Variants in PON1 observed in about 807,000 individuals in gnomAD.
PON1 encodes serum paraoxonase/arylesterase 1.
A neutral mutation model predicts 39.2 loss-of-function variants in PON1; 37 were observed. That is an observed-to-expected ratio of 0.94 (90% CI 0.73 to 1.24). The LOEUF (loss-of-function observed/expected upper bound fraction) is 1.24. Ranked by LOEUF, PON1 falls within the 50% of genes most tolerant of loss-of-function variation. The pLI, the probability that PON1 is intolerant of heterozygous loss-of-function variation, is 0.00. For missense variants in PON1, 397 were observed against 413.5 expected (o/e 0.96, Z 0.35); for synonymous variants, 148 against 152.2 (o/e 0.97, Z 0.21).
chr7:95,311,556 A>AC lies in PON1; in HGVS notation c.391dup (p.Val131GlyfsTer15), dbSNP rs1201479569. The AC allele has an allele frequency of 2.0e-5, 33 of 1,613,916 alleles. No homozygotes were observed. The highest frequency in any genetic ancestry group is 2.7e-5 in the African/African-American group (2 of 74,932). On this transcript the variant is annotated frameshift_variant, in exon 5 of 9. Transcript: ENST00000222381. LOFTEE classifies it high-confidence loss of function. The stretch of plus-strand genomic sequence containing the variant: ...GGACTTGGCATCTGGATGGTTCACC[A>AC]CCAGGAGGTACATGGCATTATCTGA...
intron 4 of PON1, among the ~76,000 whole-genome samples, chr7:95,312,137 T>G (rs1807668594): frequency 6.6e-6 from 1 of 152,240 alleles, no homozygotes; most frequent in Admixed American, 6.5e-5. Context: ...GGTCTTTGCC[T>G]TAAGAAAGAG....
chr7:95,319,367 A>T (rs573015284), intron 1 of PON1, among the ~76,000 whole-genome samples: 13 of 152,234 alleles, frequency 8.5e-5, no homozygotes, highest in African/African-American at 2.9e-4. Context: ...TTGATCTTTC[A>T]TTTATTCATT....
At chr7:95,318,226 T>G (rs1807814355) in intron 2 of PON1, 97 bp downstream of exon 2, 1 of 1,057,168 alleles carries the variant, frequency 9.5e-7, no homozygotes, top group Non-Finnish European at 1.5e-6. Context: ...ATTCAAAATT[T>G]TATTTTTGGA....
rs1807653848 is a variant in PON1, at chr7:95,311,512, A to G, written c.436T>C (p.Phe146Leu). 6.2e-7 allele frequency: 1 copy of G among 1,614,018 alleles called. No individual in the cohort carries two copies. ...DAKSTVELFK[F>L]QEEEKSLLHL... ...AAAAGCGATTTTTCTTCTTCTTGAAATTTAAACAACTCCACTGTGGACTTG... is the reference window on the plus strand; with the variant it reads ...AAAAGCGATTTTTCTTCTTCTTGAAGTTTAAACAACTCCACTGTGGACTTG... Residue 146 changes from phenylalanine to leucine, a missense_variant, in exon 5 of 9, where the codon TTT becomes CTT. Transcript: ENST00000222381.
chr7:95,319,131 C>CTTGTT (rs1554607761), intron 1 of PON1, among the ~76,000 whole-genome samples: 3 of 138,358 alleles, frequency 2.2e-5, no homozygotes, highest in African/African-American at 8.0e-5. Context: ...AAACAATAAA[C>CTTGTT]TTTTTTTTTT....
At chr7:95,302,532 A>G in intron 7 of PON1, 199 bp from the exon 8 acceptor site, 2 of 568,764 alleles carry the variant, frequency 3.5e-6, no homozygotes, top group East Asian at 6.2e-5. Context: ...GTCAGTTTCC[A>G]GGGCAGAATT....
rs1807803703 is a variant in PON1, at chr7:95,317,760, G to T, written c.145+563C>A. Among the ~76,000 whole-genome samples, 3 of 151,950 alleles carry T rather than the reference G, an allele frequency of 2.0e-5. No individual in the cohort carries two copies. In the South Asian group the frequency reaches 6.3e-4, roughly 32 times the overall value. On this transcript the variant is annotated intron_variant, in intron 2 of 8. Coordinates refer to ENST00000222381, the MANE Select transcript of PON1 (RefSeq NM_000446.7). Reference sequence around the variant, plus strand: ...CCTACCGTTTTATCTTTGCTGACAGGGCCTGCCTCCCACATTGGAGGCTTG... The same window carrying T: ...CCTACCGTTTTATCTTTGCTGACAGTGCCTGCCTCCCACATTGGAGGCTTG...
In PON1 at chr7:95,317,589, AAAAAG is replaced by A. The variant is rs1457681413; in HGVS notation, c.145+729_145+733del. On this transcript the variant is annotated intron_variant, in intron 2 of 8. Transcript: ENST00000222381. ...CTAAAAGAACAAAAAAAAAAAAAAA[AAAAAG>A]AAAGAAAAAGAAACACCCAAAGCAC... is the stretch of plus-strand genomic sequence containing the variant. Among the ~76,000 whole-genome samples the A allele has an allele frequency of 4.1e-3, 316 of 76,694 alleles. 1 individual carries two copies. The highest frequency in any genetic ancestry group is 0.011 in the African/African-American group (293 of 26,630). The allele number at this position is 76,694 out of a possible 152,430, so 50.3% of individuals were successfully genotyped here.
At chr7:95,312,560 G>A (rs1389757709) in intron 4 of PON1, among the ~76,000 whole-genome samples, 4 of 152,244 alleles carry the variant, frequency 2.6e-5, no homozygotes, top group Non-Finnish European at 5.9e-5. Flanking sequence ...AGAGAGTAAC[G>A]AAGTATTATC....
At chr7:95,313,770 C>T (rs941496451) in intron 4 of PON1, among the ~76,000 whole-genome samples, 3 of 151,734 alleles carry the variant, frequency 2.0e-5, no homozygotes, top group African/African-American at 4.8e-5. Flanking sequence ...TAAGCACCTG[C>T]GGCATTAAAA....
Position 95,311,571 on chromosome 7 carries a change from G to A in PON1, c.377C>T (p.Ala126Val), listed in dbSNP as rs751404534. The change falls in exon 5 of 9, where the codon GCC (alanine) becomes GTC (valine). Residue 126 changes from alanine (A) to valine (V), a missense_variant. Transcript: ENST00000222381. The part of the protein sequence containing the change: ...GISTFTDEDN[A>V]MYLLVVNHPD... ...ATGGTTCACCACCAGGAGGTACATG[G>A]CATTATCTGAGAGGAGATTAAAAAC... is the stretch of plus-strand genomic sequence containing the variant. 1.9e-6 allele frequency: 3 copies of A among 1,613,870 alleles called. No individual in the cohort carries two copies. The highest frequency in any genetic ancestry group is 2.7e-5 in the African/African-American group (2 of 74,886).
At position 95,298,734 on chromosome 7, in the gene PON1, T is replaced by C. The variant is rs992728101; in HGVS notation, c.*210A>G. ...AGGATTTTTATGGTAAATGAGGTTT[T>C]CAAGTATTCCAAGACTGATTTGATA... On this transcript the variant is annotated 3_prime_UTR_variant, in exon 9 of 9. Coordinates refer to ENST00000222381, the MANE Select transcript of PON1 (RefSeq NM_000446.7). 1.6e-6 allele frequency: 1 copy of C among 618,130 alleles called. No individual in the cohort carries two copies. Among genetic ancestry groups the C allele is most frequent in the Non-Finnish European group, 2.9e-6 (1 of 349,602 alleles). 38.3% of individuals were successfully genotyped at this position (618,130 alleles called of 1,614,324 possible).
rs1807441578 is a variant in PON1 at position 95,302,106 on chromosome 7, A to AC, written c.909+98_909+99insG. On this transcript the variant is annotated intron_variant, in intron 8 of 8. Coordinates refer to ENST00000222381, the MANE Select transcript of PON1 (RefSeq NM_000446.7). ...AGCGATACTCTGTCACAAAAAAAAA[A>AC]AAAAAAAAAAAAAAACCAAGAATTG... The AC allele has an allele frequency of 8.9e-6, 7 of 782,862 alleles. No individual in the cohort carries two copies. The East Asian group carries it at 1.5e-4, about 17-fold the overall frequency. The allele number at this position is 782,862 out of a possible 1,614,324, so 48.5% of individuals were successfully genotyped here.
At chr7:95,306,469 G>A in intron 6 of PON1, 103 bp from the exon 7 acceptor site, 7 of 891,814 alleles carry the variant, frequency 7.8e-6, no homozygotes, top group Non-Finnish European at 5.6e-6. Flanking sequence ...TTTGCTTAAG[G>A]AATGGAAAAT....
intron 5 of PON1, 63 bp downstream of exon 5, chr7:95,311,388 C>A (rs1807649589): frequency 1.3e-6 from 2 of 1,598,742 alleles, no homozygotes; most frequent in East Asian, 4.5e-5. Flanking sequence ...AAAGGAAAAA[C>A]TAAAAGTGGA....
intron 5 of PON1, among the ~76,000 whole-genome samples, chr7:95,310,575 T>C (rs371591789): frequency 5.3e-5 from 8 of 152,168 alleles, no homozygotes; most frequent in African/African-American, 1.7e-4. Flanking sequence ...ACTCAATTTC[T>C]CTCCAATCTC....
chr7:95,319,513 T>C (rs2116325382), intron 1 of PON1, among the ~76,000 whole-genome samples: 1 of 152,242 alleles, frequency 6.6e-6, no homozygotes, highest in East Asian at 1.9e-4. Flanking sequence ...TCCCAACGTA[T>C]AACCAGAGTA....
intron 7 of PON1, among the ~76,000 whole-genome samples, chr7:95,303,773 T>G (rs1415952528): frequency 6.6e-6 from 1 of 152,122 alleles, no homozygotes; most frequent in Non-Finnish European, 1.5e-5. Context: ...GTATCACATC[T>G]CACACTCCCA....
chr7:95,310,811 G>C (rs1007663255), intron 5 of PON1, among the ~76,000 whole-genome samples: 1 of 152,158 alleles, frequency 6.6e-6, no homozygotes, highest in Admixed American at 6.5e-5. Context: ...AGATAGAGTC[G>C]GATTGTTCTC....
Sources: allele counts gnomAD v4.1 joint callset (sites outside exome capture counted in the v4.1 genomes callset), GRCh38; gene constraint gnomAD v4.1.1; transcripts MANE v1.5; gene names NCBI Gene and HGNC (gene_info 2026-07-23, HGNC 2026-07-21).